ZFHX3: variants seen among roughly 807,000 people sequenced by gnomAD.
ZFHX3 encodes the protein zinc finger homeobox 3.
ZFHX3 carries 42 observed loss-of-function variants against 279.1 expected under a neutral mutation model. That is an observed-to-expected ratio of 0.15 (90% CI 0.12 to 0.19). The LOEUF (loss-of-function observed/expected upper bound fraction) is 0.19, where lower values mean the gene tolerates loss of function less well. Ranked by LOEUF, ZFHX3 falls within the 10% of genes least tolerant of loss-of-function variation. The pLI is 1.00. For synonymous variants in ZFHX3, 2,293 were observed against 1,957.8 expected (o/e 1.17, Z -4.52); for missense variants, 4,981 against 4,754.0 (o/e 1.05, Z -1.40).
At chr16:73,065,458 GT>G (rs1026586319) in intron 8 of ZFHX3, among the ~76,000 whole-genome samples, 520 of 147,522 alleles carry the variant, frequency 3.5e-3, no homozygotes, top group South Asian at 8.2e-3. Flanking sequence ...AAACGTGAGG[GT>G]TTTTTTTTTT....
chr16:73,197,208 T>C (rs1488716230), intron 5 of ZFHX3, among the ~76,000 whole-genome samples: 1 of 152,242 alleles, frequency 6.6e-6, no homozygotes, highest in Non-Finnish European at 1.5e-5. Flanking sequence ...GCCTCCTGTC[T>C]AAGCATTTCA....
In ZFHX3 at chr16:73,433,978, C is replaced by A. The variant is rs145075304; in HGVS notation, c.-1291+22025G>T. Among the ~76,000 whole-genome samples, 303 of 152,266 alleles carry A rather than the reference C, an allele frequency of 2.0e-3. 1 individual carries two copies. Among genetic ancestry groups the A allele is most frequent in the African/African-American group, 7.0e-3 (292 of 41,546 alleles). On this transcript the variant is annotated intron_variant, in intron 3 of 17. Coordinates refer to the ZFHX3 transcript ENST00000641206. ...CACAGGTGGCTTAGTTATTGACTTG[C>A]GTGTCCCTTCTGGGAGGGGGGCGAG...
intron 5 of ZFHX3, among the ~76,000 whole-genome samples, chr16:73,211,729 A>G (rs941596238): frequency 6.6e-6 from 1 of 150,700 alleles, no homozygotes; most frequent in Non-Finnish European, 1.5e-5. Flanking sequence ...TATGATTTTG[A>G]TTATTTAAAT....
chr16:72,829,629 A>G, intron 5 of ZFHX3, 150 bp downstream of exon 5: 2 of 755,742 alleles, frequency 2.6e-6, no homozygotes, highest in Non-Finnish European at 4.4e-6. Context: ...GAAGCAAACG[A>G]AATCTCCCTC....
chr16:72,912,764 C>T (rs951176809), intron 3 of ZFHX3, among the ~76,000 whole-genome samples: 4 of 151,992 alleles, frequency 2.6e-5, no homozygotes, highest in Non-Finnish European at 5.9e-5. Context: ...CTCCCTCTGT[C>T]GCCAGCCTAG....
At chr16:73,714,070 G>A (rs1156392529) in intron 1 of ZFHX3, among the ~76,000 whole-genome samples, 1 of 152,038 alleles carries the variant, frequency 6.6e-6, no homozygotes, top group Non-Finnish European at 1.5e-5. Context: ...TGCCAGACTC[G>A]TACTTACTGG....
chr16:73,184,690 G>A lies in ZFHX3; in HGVS notation c.-1103-40859C>T, dbSNP rs973917330. 6.6e-5 allele frequency among the ~76,000 whole-genome samples: 10 copies of A among 152,270 alleles called. No homozygotes were observed. The South Asian group carries it at 1.2e-3, about 19-fold the overall frequency. On this transcript the variant is annotated intron_variant, in intron 5 of 17. Transcript: ENST00000641206. ...GGTCCTAGAACATCCTTGATTGCCTGGCATCTTTAATTAAAAGTGAAATCC... is the reference window on the plus strand; with the variant it reads ...GGTCCTAGAACATCCTTGATTGCCTAGCATCTTTAATTAAAAGTGAAATCC...
At chr16:73,319,031 G>A (rs1261132231) in intron 3 of ZFHX3, among the ~76,000 whole-genome samples, 1 of 151,726 alleles carries the variant, frequency 6.6e-6, no homozygotes, top group Admixed American at 6.6e-5. Flanking sequence ...CTGGCCCACT[G>A]GTGCATTTCT....
intron 2 of ZFHX3, among the ~76,000 whole-genome samples, chr16:73,622,770 T>A (rs1230161586): frequency 6.6e-6 from 1 of 152,264 alleles, no homozygotes; most frequent in East Asian, 1.9e-4. Context: ...AAGGGCACCC[T>A]GCAAGAGGGA....
intron 3 of ZFHX3, among the ~76,000 whole-genome samples, chr16:72,931,508 A>G (rs993281394): frequency 6.6e-6 from 1 of 150,678 alleles, no homozygotes; most frequent in African/African-American, 2.4e-5. Context: ...TCATGACTTC[A>G]GTAGCCAAGG....
chr16:73,143,770 G>C, exon 6 of ZFHX3: 2 of 1,305,624 alleles, frequency 1.5e-6, no homozygotes, highest in Non-Finnish European at 2.0e-6. Context: ...TTCCGGCAAA[G>C]CTGGACACCA....
At chr16:73,731,182 G>C (rs1220690684) in intron 1 of ZFHX3, among the ~76,000 whole-genome samples, 2 of 152,182 alleles carry the variant, frequency 1.3e-5, no homozygotes, top group Admixed American at 6.5e-5. Context: ...AGACTTGTCT[G>C]CGTGTATCAG....
At chr16:72,897,115 C>G (rs2038919027) in intron 3 of ZFHX3, among the ~76,000 whole-genome samples, 1 of 152,184 alleles carries the variant, frequency 6.6e-6, no homozygotes, top group African/African-American at 2.4e-5. Context: ...ACCTGTCAGG[C>G]CAAAGGCAGG....
Position 73,152,984 on chromosome 16 carries a change from G to A in ZFHX3, c.-1103-9153C>T, listed in dbSNP as rs74931663. 4.0e-3 allele frequency among the ~76,000 whole-genome samples: 612 copies of A among 152,156 alleles called. 6 individuals carry two copies. Among genetic ancestry groups the A allele is most frequent in the African/African-American group, 0.014 (587 of 41,516 alleles). On this transcript the variant is annotated intron_variant, in intron 5 of 17. Coordinates refer to the ZFHX3 transcript ENST00000641206. ...AATGCAGTTGCTGTGAAGGGGGAGG[G>A]GTGTCTGGAATTTTTGGATGGTTTT...
At chr16:73,685,897 A>G (rs1209710216) in intron 1 of ZFHX3, among the ~76,000 whole-genome samples, 4 of 152,208 alleles carry the variant, frequency 2.6e-5, no homozygotes, top group Non-Finnish European at 5.9e-5. Flanking sequence ...TGAGAATAAA[A>G]TGTGGAATAT....
At chr16:73,832,675 A>G (rs1018120361) in intron 1 of ZFHX3, among the ~76,000 whole-genome samples, 1 of 152,026 alleles carries the variant, frequency 6.6e-6, no homozygotes, top group African/African-American at 2.4e-5. Flanking sequence ...AGCCTCCCAA[A>G]ATGCTGGGAT....
intron 2 of ZFHX3, among the ~76,000 whole-genome samples, chr16:73,458,720 C>T (rs1048326063): frequency 6.6e-6 from 1 of 152,120 alleles, no homozygotes; most frequent in Non-Finnish European, 1.5e-5. Context: ...ACCTTTATCG[C>T]ATTTTCTTAT....
intron 4 of ZFHX3, among the ~76,000 whole-genome samples, chr16:73,307,935 G>A (rs2015221183): frequency 6.6e-6 from 1 of 151,982 alleles, no homozygotes; most frequent in Non-Finnish European, 1.5e-5. Flanking sequence ...AGAAAGTTCA[G>A]GAAGCTCCTT....
upstream of ZFHX3, among the ~76,000 whole-genome samples, chr16:73,063,947 G>A (rs928427649): frequency 6.6e-6 from 1 of 152,082 alleles, no homozygotes; most frequent in South Asian, 2.1e-4. Flanking sequence ...TGTCCGGCCC[G>A]CCAGGTTGAG....
Sources: allele counts gnomAD v4.1 joint callset (sites outside exome capture counted in the v4.1 genomes callset), GRCh38; gene constraint gnomAD v4.1.1; transcripts MANE v1.5; gene names NCBI Gene and HGNC (gene_info 2026-07-23, HGNC 2026-07-21).